The following DENND5B variants were observed in gnomAD, a reference collection of about 807,000 sequenced individuals.
DENND5B encodes DENN domain-containing protein 5B.
A neutral mutation model predicts 140.6 loss-of-function variants in DENND5B; 34 were observed. The ratio of observed to expected loss-of-function variants is 0.24; its 90% CI spans 0.18 to 0.32. The LOEUF (loss-of-function observed/expected upper bound fraction) is 0.32. Among genes scored for constraint, DENND5B ranks in the 10% least tolerant of loss-of-function variants. The pLI, the probability that DENND5B is intolerant of heterozygous loss-of-function variation, is 1.00. For synonymous variants in DENND5B, 551 were observed against 562.1 expected, an observed-to-expected ratio of 0.98 and a Z score of 0.28; for missense variants, 1,142 against 1,560.2, an observed-to-expected ratio of 0.73 and a Z score of 4.52.
At chr12:31,442,704 A>C in intron 7 of DENND5B, 71 bp downstream of exon 7, 1 of 1,510,904 alleles carries the variant, frequency 6.6e-7, no homozygotes, top group African/African-American at 1.4e-5. Flanking sequence ...AGCATTGTCC[A>C]TTTGAGTTGC....
chr12:31,534,280 C>T (rs1948403397), intron 1 of DENND5B, among the ~76,000 whole-genome samples: 1 of 152,072 alleles, frequency 6.6e-6, no homozygotes, highest in Admixed American at 6.5e-5. Flanking sequence ...ATGCCTCAGC[C>T]TCCCAAGTAG....
intron 1 of DENND5B, among the ~76,000 whole-genome samples, chr12:31,561,977 G>A (rs192464959): frequency 2.6e-5 from 4 of 152,292 alleles, no homozygotes; most frequent in Admixed American, 2.6e-4. Context: ...GATGCTGAAG[G>A]ACTACAAATA....
intron 2 of DENND5B, among the ~76,000 whole-genome samples, chr12:31,484,856 C>T (rs1047435868): frequency 5.3e-5 from 8 of 152,060 alleles, no homozygotes; most frequent in African/African-American, 1.9e-4. Context: ...TTTCAAGTGT[C>T]GTCTTCTCTT....
chr12:31,484,780 A>G (rs1946224522), intron 2 of DENND5B, among the ~76,000 whole-genome samples: 1 of 152,032 alleles, frequency 6.6e-6, no homozygotes, highest in Non-Finnish European at 1.5e-5. Flanking sequence ...CAGCCTAGGC[A>G]ACAGAGTGAG....
chr12:31,467,123 G>A (rs1479974921), intron 3 of DENND5B, among the ~76,000 whole-genome samples: 4 of 145,640 alleles, frequency 2.7e-5, no homozygotes, highest in African/African-American at 1.0e-4. Context: ...TAAGATGATA[G>A]AATATTATCC....
At chr12:31,559,870 AG>A (rs1949414784) in intron 1 of DENND5B, among the ~76,000 whole-genome samples, 1 of 152,110 alleles carries the variant, frequency 6.6e-6, no homozygotes, top group Non-Finnish European at 1.5e-5. Context: ...AAAAAAGGGA[AG>A]AAAAAAGAGA....
chr12:31,433,330 C>A, intron 7 of DENND5B, 82 bp from the exon 8 acceptor site: 1 of 1,191,488 alleles, frequency 8.4e-7, no homozygotes, highest in Non-Finnish European at 1.2e-6. Flanking sequence ...AAGACTGACA[C>A]ACACATTTTA....
intron 12 of DENND5B, among the ~76,000 whole-genome samples, chr12:31,415,068 T>C (rs576642673): frequency 2.0e-5 from 3 of 151,878 alleles, no homozygotes; most frequent in Non-Finnish European, 4.4e-5. Context: ...GGAGTGGTGA[T>C]TGCACCACCG....
intron 1 of DENND5B, among the ~76,000 whole-genome samples, chr12:31,575,015 A>G (rs571790944): frequency 1.4e-4 from 22 of 152,320 alleles, no homozygotes; most frequent in Admixed American, 1.4e-3. Flanking sequence ...ATGGCACAAA[A>G]CAAGTTAAGT....
At chr12:31,491,378 C>T (rs903162995) in intron 2 of DENND5B, among the ~76,000 whole-genome samples, 5 of 152,030 alleles carry the variant, frequency 3.3e-5, no homozygotes, top group African/African-American at 9.7e-5. Context: ...ACTTGAACAC[C>T]GGAGGCAGAG....
At chr12:31,498,816 T>C (rs1168648649) in intron 1 of DENND5B, among the ~76,000 whole-genome samples, 1 of 151,580 alleles carries the variant, frequency 6.6e-6, no homozygotes, top group Non-Finnish European at 1.5e-5. Context: ...CTACTAAAAA[T>C]ACAAAACTTA....
At chr12:31,411,499 G>A (rs966664429) in intron 13 of DENND5B, among the ~76,000 whole-genome samples, 7 of 151,386 alleles carry the variant, frequency 4.6e-5, no homozygotes, top group Admixed American at 2.0e-4. Context: ...CATGCGCCAC[G>A]ACACCCAGCT....
intron 5 of DENND5B, 116 bp downstream of exon 5, chr12:31,451,824 A>C: frequency 7.8e-7 from 1 of 1,290,186 alleles, no homozygotes. Context: ...AAAAAGGTTA[A>C]CAAAATCAAT....
At chr12:31,533,915 G>T (rs73086463) in intron 1 of DENND5B, among the ~76,000 whole-genome samples, 41 of 150,488 alleles carry the variant, frequency 2.7e-4, no homozygotes, top group Admixed American at 9.3e-4. Context: ...AACTTATGAA[G>T]ATTCAAGTCA....
chr12:31,537,814 CAA>C (rs1019224994), intron 1 of DENND5B, among the ~76,000 whole-genome samples: 2 of 151,830 alleles, frequency 1.3e-5, no homozygotes, highest in Non-Finnish European at 2.9e-5. Flanking sequence ...CAATGGAAAT[CAA>C]AAAAGACTAG....
chr12:31,427,426 TA>T (rs11341014), intron 8 of DENND5B, among the ~76,000 whole-genome samples: 139,951 of 151,782 alleles, frequency 0.92, 65,115 homozygotes, highest in East Asian at 0.99. Context: ...CCAACATGGT[TA>T]AAACCCCATC....
intron 12 of DENND5B, among the ~76,000 whole-genome samples, chr12:31,413,935 A>G (rs1942594939): frequency 6.6e-6 from 1 of 152,200 alleles, no homozygotes; most frequent in Non-Finnish European, 1.5e-5. Context: ...TTTCTTTTCA[A>G]AATAACTGTT....
chr12:31,459,453 C>T (rs1000335067), intron 4 of DENND5B, among the ~76,000 whole-genome samples: 1 of 152,046 alleles, frequency 6.6e-6, no homozygotes, highest in African/African-American at 2.4e-5. Context: ...CCATGCCTGG[C>T]TAATTTTTGG....
chr12:31,513,547 T>C (rs761812589), intron 1 of DENND5B, among the ~76,000 whole-genome samples: 3 of 152,226 alleles, frequency 2.0e-5, no homozygotes, highest in African/African-American at 7.2e-5. Context: ...TTTTAAGTCA[T>C]GACAGACTTT....
Sources: allele counts gnomAD v4.1 joint callset (sites outside exome capture counted in the v4.1 genomes callset), GRCh38; gene constraint gnomAD v4.1.1; transcripts MANE v1.5; gene names NCBI Gene and HGNC (gene_info 2026-07-23, HGNC 2026-07-21).